Variants in TEX29 observed in about 807,000 individuals in gnomAD.
TEX29 encodes testis-expressed protein 29.
Under a neutral mutation model 18.2 loss-of-function variants are expected in TEX29, and 26 were observed. That is an observed-to-expected ratio of 1.43 (90% CI 1.04 to 1.98). The LOEUF (loss-of-function observed/expected upper bound fraction) is 1.98. TEX29 is among the 30% of genes most tolerant of loss of function. The pLI is 0.00. For missense variants in TEX29, 177 were observed against 194.2 expected, an observed-to-expected ratio of 0.91 and a Z score of 0.53; for synonymous variants, 83 against 78.5, an observed-to-expected ratio of 1.06 and a Z score of -0.31.
At chr13:111,343,297 A>C (rs1459169087) in intron 5 of TEX29, among the ~76,000 whole-genome samples, 1 of 151,884 alleles carries the variant, frequency 6.6e-6, no homozygotes, top group Non-Finnish European at 1.5e-5. Flanking sequence ...GGGAGGCTGC[A>C]GGGCTGCCAT....
chr13:111,335,030 TCAAA>T (rs1287438985), intron 3 of TEX29, among the ~76,000 whole-genome samples: 3 of 152,224 alleles, frequency 2.0e-5, no homozygotes, highest in Non-Finnish European at 2.9e-5. Flanking sequence ...GCTGTTTGCC[TCAAA>T]CAAACAGATT....
chr13:111,342,175 C>CACTCTGTG (rs1216853821), intron 4 of TEX29, among the ~76,000 whole-genome samples: 1 of 152,230 alleles, frequency 6.6e-6, no homozygotes, highest in Non-Finnish European at 1.5e-5. Flanking sequence ...ACCATGAGCC[C>CACTCTGTG]ACTCTGTGTG....
intron 2 of TEX29, 106 bp downstream of exon 2, chr13:111,321,054 C>T: frequency 7.7e-7 from 1 of 1,298,688 alleles, no homozygotes; most frequent in Non-Finnish European, 1.1e-6. Flanking sequence ...GGTCCTGGTC[C>T]CAGACCTGGC....
At position 111,320,859 on chromosome 13, in the gene TEX29, G is replaced by A; in HGVS notation, c.-32G>A. On this transcript the variant is annotated splice_region_variant and 5_prime_UTR_variant, in exon 2 of 6. It adds an upstream start codon to the 5' untranslated region. Transcript: ENST00000283547. ...TGCTGACCTCTCCTGTTTTCCAGGT[G>A]TGCTCGGCCCCTTCATCTGTCAGCT... 1.9e-6 allele frequency: 3 copies of A among 1,613,612 alleles called. No homozygotes were observed. In the South Asian group the frequency reaches 3.3e-5, roughly 18 times the overall value.
In TEX29 at chr13:111,342,939, G is replaced by A; in HGVS notation, c.415+8G>A. The A allele has an allele frequency of 1.2e-6, 2 of 1,612,872 alleles. No individual in the cohort carries two copies. Among genetic ancestry groups the A allele is most frequent in the Non-Finnish European group, 1.7e-6 (2 of 1,179,056 alleles). ...ACGAGGATAAGGATGATGGTGAGAA[G>A]CTTCTGGAATGATCCTCAGCCTAAG... On this transcript the variant is annotated splice_region_variant and intron_variant, in intron 5 of 5. Coordinates refer to ENST00000283547, the MANE Select transcript of TEX29 (RefSeq NM_152324.3).
At chr13:111,342,657 C>A in intron 4 of TEX29, 99 bp from the exon 5 acceptor site, 1 of 1,166,524 alleles carries the variant, frequency 8.6e-7, no homozygotes, top group Non-Finnish European at 1.2e-6. Flanking sequence ...GATCAGGAAC[C>A]TGTGTTTTCA....
chr13:111,322,653 G>A (rs1463873249), intron 2 of TEX29, among the ~76,000 whole-genome samples: 1 of 152,210 alleles, frequency 6.6e-6, no homozygotes, highest in East Asian at 1.9e-4. Flanking sequence ...CCATGCCCAG[G>A]ACCCAGCTCC....
intron 2 of TEX29, 28 bp downstream of exon 2, chr13:111,320,976 GGT>G: frequency 7.0e-7 from 1 of 1,430,750 alleles, no homozygotes; most frequent in Non-Finnish European, 9.5e-7. Flanking sequence ...CAGGGGGGCG[GGT>G]GGGGTGGGGG....
At chr13:111,321,008 A>G (rs1395834306) in intron 2 of TEX29, 60 bp downstream of exon 2, 1 of 1,447,548 alleles carries the variant, frequency 6.9e-7, no homozygotes, top group East Asian at 2.9e-5. Flanking sequence ...GGGGGGGCAC[A>G]GGGAGGAGCT....
intron 3 of TEX29, among the ~76,000 whole-genome samples, chr13:111,330,338 C>A (rs1384481670): frequency 6.6e-6 from 1 of 152,112 alleles, no homozygotes; most frequent in South Asian, 2.1e-4. Context: ...GATTTGGCAC[C>A]TCATCAAAAG....
chr13:111,332,033 G>A (rs894448859), intron 3 of TEX29, among the ~76,000 whole-genome samples: 1 of 151,992 alleles, frequency 6.6e-6, no homozygotes, highest in Non-Finnish European at 1.5e-5. Context: ...GGCTGTTATG[G>A]GTCCCTTGCA....
At chr13:111,321,004 G>GCCC in intron 2 of TEX29, 56 bp downstream of exon 2, 1 of 545,372 alleles carries the variant, frequency 1.8e-6, no homozygotes, top group Non-Finnish European at 3.5e-6. Context: ...TTGGGGGGGG[G>GCCC]CACAGGGAGG....
At chr13:111,326,209 G>A (rs1444886619) in intron 2 of TEX29, among the ~76,000 whole-genome samples, 1 of 151,762 alleles carries the variant, frequency 6.6e-6, no homozygotes, top group African/African-American at 2.4e-5. Context: ...GAGACTGCGG[G>A]CAGTGTGAGC....
At chr13:111,330,395 T>C (rs1567161560) in intron 3 of TEX29, among the ~76,000 whole-genome samples, 1 of 152,160 alleles carries the variant, frequency 6.6e-6, no homozygotes, top group Non-Finnish European at 1.5e-5. Context: ...TCACAATGGA[T>C]ACCACTGATA....
chr13:111,317,797 C>T (rs541452546), upstream of TEX29, among the ~76,000 whole-genome samples: 352 of 152,288 alleles, frequency 2.3e-3, no homozygotes, highest in African/African-American at 7.9e-3. Flanking sequence ...GCTGGCAGTC[C>T]TCCGTGTTCC....
intron 3 of TEX29, among the ~76,000 whole-genome samples, chr13:111,333,129 G>A (rs932580039): frequency 6.6e-6 from 1 of 152,134 alleles, no homozygotes; most frequent in Non-Finnish European, 1.5e-5. Context: ...TATATAATGT[G>A]TCACTTCTCT....
In TEX29 at chr13:111,342,595, G is replaced by A. The variant is rs75034799; in HGVS notation, c.240-161G>A. On this transcript the variant is annotated intron_variant, in intron 4 of 5. Transcript: ENST00000283547. The stretch of plus-strand genomic sequence containing the variant: ...AAAAAAAAGAGAGAGAGAAAGAAAC[G>A]AAAATGAGAACTATTACATCAAAGC... Among the ~76,000 whole-genome samples, 1,218 of 143,230 alleles carry A rather than the reference G, an allele frequency of 8.5e-3. 8 individuals are homozygous for A. Among genetic ancestry groups the A allele is most frequent in the Non-Finnish European group, 0.015 (950 of 65,498 alleles). 94.0% of individuals were successfully genotyped at this position (143,230 alleles called of 152,430 possible).
chr13:111,334,312 G>A (rs1379392794), intron 3 of TEX29, among the ~76,000 whole-genome samples: 12 of 152,140 alleles, frequency 7.9e-5, no homozygotes, highest in Non-Finnish European at 1.8e-4. Context: ...ATTCTTTGTG[G>A]TGTGTGACCA....
At chr13:111,327,843 C>A (rs1220316171) in intron 2 of TEX29, among the ~76,000 whole-genome samples, 3 of 152,348 alleles carry the variant, frequency 2.0e-5, no homozygotes, top group Middle Eastern at 6.8e-3. Flanking sequence ...ATTACACGTT[C>A]CCTCCCGAAC....
Sources: gnomAD v4.1 joint callset for allele counts (sites outside exome capture counted in the v4.1 genomes callset) on GRCh38, gnomAD v4.1.1 for gene constraint, MANE v1.5 for transcripts, NCBI Gene and HGNC (gene_info 2026-07-23, HGNC 2026-07-21) for gene names.